Variants in KCNIP4 observed in about 807,000 individuals in gnomAD.
KCNIP4 encodes Kv channel-interacting protein 4.
Under a neutral mutation model 34.0 loss-of-function variants are expected in KCNIP4, and 12 were observed. The ratio of observed to expected loss-of-function variants is 0.35; its 90% CI spans 0.23 to 0.57. The LOEUF (loss-of-function observed/expected upper bound fraction) is 0.57, where lower values mean the gene tolerates loss of function less well. Ranked by LOEUF, KCNIP4 falls within the 20% of genes least tolerant of loss-of-function variation. KCNIP4 has a pLI of 0.83. For synonymous variants in KCNIP4, 124 were observed against 102.2 expected, an observed-to-expected ratio of 1.21 and a Z score of -1.29; for missense variants, 238 against 311.7, an observed-to-expected ratio of 0.76 and a Z score of 1.78.
At chr4:21,369,617 GA>G (rs1720128671) in intron 1 of KCNIP4, among the ~76,000 whole-genome samples, 1 of 146,720 alleles carries the variant, frequency 6.8e-6, no homozygotes, top group Admixed American at 6.6e-5. Context: ...TTTAAAAGAA[GA>G]ATGTAATTTG....
chr4:20,934,190 C>T (rs1234821026), intron 1 of KCNIP4, among the ~76,000 whole-genome samples: 1 of 152,162 alleles, frequency 6.6e-6, no homozygotes, highest in Non-Finnish European at 1.5e-5. Context: ...TTCTTGTCCT[C>T]CAACTTCCTC....
At chr4:21,086,114 C>T (rs1443648436) in intron 1 of KCNIP4, among the ~76,000 whole-genome samples, 5 of 152,182 alleles carry the variant, frequency 3.3e-5, no homozygotes, top group Non-Finnish European at 7.3e-5. Context: ...ATCTGGATCC[C>T]TGCATGACCT....
At chr4:21,832,308 A>G (rs2137650) in intron 1 of KCNIP4, among the ~76,000 whole-genome samples, 132,585 of 152,112 alleles carry the variant, frequency 0.87, 57,981 homozygotes, top group South Asian at 0.92. Flanking sequence ...TATCCTTTAG[A>G]AACAAGAGAA....
intron 1 of KCNIP4, among the ~76,000 whole-genome samples, chr4:21,651,564 G>A (rs1351418133): frequency 6.6e-6 from 1 of 152,234 alleles, no homozygotes; most frequent in African/African-American, 2.4e-5. Context: ...CCAAGCTGAT[G>A]TCTACCAACC....
At chr4:21,729,252 C>T (rs186327205) in intron 1 of KCNIP4, among the ~76,000 whole-genome samples, 17 of 152,268 alleles carry the variant, frequency 1.1e-4, no homozygotes, top group Admixed American at 3.9e-4. Context: ...TTTCCACCAA[C>T]AATATCCTAC....
intron 1 of KCNIP4, among the ~76,000 whole-genome samples, chr4:21,918,255 C>G (rs141700674): frequency 1.3e-5 from 2 of 152,228 alleles, no homozygotes; most frequent in African/African-American, 4.8e-5. Flanking sequence ...TAAAAACAGG[C>G]ACTTTGAATG....
chr4:20,756,229 CAGAG>C (rs1754426689), intron 4 of KCNIP4, among the ~76,000 whole-genome samples: 1 of 150,890 alleles, frequency 6.6e-6, no homozygotes, highest in African/African-American at 2.4e-5. Context: ...GCCATAATAA[CAGAG>C]AGAAACAGTT....
At chr4:21,422,194 T>C (rs1275652824) in intron 1 of KCNIP4, among the ~76,000 whole-genome samples, 2 of 144,316 alleles carry the variant, frequency 1.4e-5, no homozygotes, top group African/African-American at 5.0e-5. Context: ...TTCTGCAGCC[T>C]ACTTTTTTTT....
intron 1 of KCNIP4, among the ~76,000 whole-genome samples, chr4:21,764,771 T>C (rs1478040407): frequency 1.3e-5 from 2 of 152,088 alleles, no homozygotes; most frequent in African/African-American, 2.4e-5. Flanking sequence ...CCTTTTTTGC[T>C]TGTCTGCTAT....
intron 1 of KCNIP4, among the ~76,000 whole-genome samples, chr4:21,583,170 T>C (rs903847141): frequency 6.6e-6 from 1 of 151,948 alleles, no homozygotes; most frequent in African/African-American, 2.4e-5. Context: ...AAAAATGGAT[T>C]TTACAAATTA....
intron 1 of KCNIP4, among the ~76,000 whole-genome samples, chr4:21,883,833 T>G (rs767516577): frequency 1.3e-5 from 2 of 152,042 alleles, no homozygotes; most frequent in Non-Finnish European, 2.9e-5. Context: ...GAAACAACCT[T>G]CAAATCGACT....
intron 1 of KCNIP4, among the ~76,000 whole-genome samples, chr4:21,483,789 CAAAAATAAAAATAAAAAT>C (rs60570638): frequency 6.9e-5 from 10 of 145,854 alleles, no homozygotes; most frequent in East Asian, 2.1e-4. Flanking sequence ...GACTCCATCT[CAAAAATAAAAATAAAAAT>C]AAAAATAAAA....
chr4:21,060,938 G>A lies in KCNIP4; in HGVS notation c.62-178229C>T, dbSNP rs576644515. Among the ~76,000 whole-genome samples, 7 of 152,238 alleles carry A rather than the reference G, an allele frequency of 4.6e-5. No individual in the cohort carries two copies. The South Asian group carries it at 8.3e-4, about 18-fold the overall frequency. ...GTGGTTGAATGTGAAAATGTTGTAC[G>A]GAAAGATAGGGAAACATATGCTAAT... On this transcript the variant is annotated intron_variant, in intron 1 of 8. Transcript: ENST00000382152.
In KCNIP4 at chr4:20,857,488, A is replaced by G. The variant is rs531417645; in HGVS notation, c.164-6821T>C. On this transcript the variant is annotated intron_variant, in intron 2 of 8. Coordinates refer to ENST00000382152, the MANE Select transcript of KCNIP4 (RefSeq NM_025221.6). ...AGGTTTAATTGTTTATTTTTCACAT[A>G]CATGGAGACTGAGTCTCATGGATGT... 2.1e-5 allele frequency among the ~76,000 whole-genome samples: 3 copies of G among 140,124 alleles called. No homozygotes were observed. The East Asian group carries it at 5.9e-4, about 27-fold the overall frequency. 91.9% of individuals were successfully genotyped at this position (140,124 alleles called of 152,430 possible). A position where few individuals can be genotyped will look rare whatever the true frequency, so the allele number is the denominator to read the frequency against.
chr4:20,852,163 G>T (rs987496351), intron 2 of KCNIP4, among the ~76,000 whole-genome samples: 4 of 130,064 alleles, frequency 3.1e-5, no homozygotes, highest in Non-Finnish European at 7.1e-5. Context: ...ACCAGCAAAT[G>T]ACATAACCAA....
At chr4:20,796,491 G>C (rs1713482707) in intron 3 of KCNIP4, among the ~76,000 whole-genome samples, 1 of 152,050 alleles carries the variant, frequency 6.6e-6, no homozygotes, top group Admixed American at 6.6e-5. Flanking sequence ...TGGGTGCTGA[G>C]GGATCATATA....
intron 1 of KCNIP4, among the ~76,000 whole-genome samples, chr4:21,762,209 T>C (rs2109171461): frequency 6.6e-6 from 1 of 152,246 alleles, no homozygotes. Flanking sequence ...AATTTAATAA[T>C]ATATTCAACT....
chr4:21,708,001 C>T (rs1713426622), intron 1 of KCNIP4, among the ~76,000 whole-genome samples: 1 of 150,884 alleles, frequency 6.6e-6, no homozygotes, highest in South Asian at 2.1e-4. Context: ...TATACAAAAT[C>T]AACTTATGAG....
At chr4:21,452,900 T>C (rs988930462) in intron 1 of KCNIP4, among the ~76,000 whole-genome samples, 10 of 152,076 alleles carry the variant, frequency 6.6e-5, no homozygotes, top group African/African-American at 2.4e-4. Context: ...GAATGCATTC[T>C]TTTGTTCTTA....
Sources: allele counts gnomAD v4.1 joint callset (sites outside exome capture counted in the v4.1 genomes callset), GRCh38; gene constraint gnomAD v4.1.1; transcripts MANE v1.5; gene names NCBI Gene and HGNC (gene_info 2026-07-23, HGNC 2026-07-21).